CD99: variants seen among roughly 807,000 people sequenced by gnomAD.
CD99 encodes the protein CD99 molecule (Xg blood group), also known as CD99 antigen.
In CD99, 19 loss-of-function variants were observed where a neutral mutation model predicts 28.4. The observed-to-expected ratio is 0.67, with a 90% confidence interval of 0.47 to 0.98. The LOEUF is 0.98. Ranked by LOEUF, CD99 falls within the 50% of genes least tolerant of loss-of-function variation. The pLI, the probability that CD99 is intolerant of heterozygous loss-of-function variation, is 0.00. For missense variants in CD99, 283 were observed against 248.8 expected (o/e 1.14, Z -0.92); for synonymous variants, 103 against 92.1 (o/e 1.12, Z -0.67).
chrX:2,729,155 C>A (rs2049459531), intron 8 of CD99, among the ~76,000 whole-genome samples: 1 of 152,092 alleles, frequency 6.6e-6, no homozygotes, highest in South Asian at 2.1e-4. Context: ...GAATCCCAGA[C>A]AATTGTTGAA....
At chrX:2,724,396 C>T (rs776594048) in intron 7 of CD99, among the ~76,000 whole-genome samples, 1 of 152,264 alleles carries the variant, frequency 6.6e-6, no homozygotes, top group African/African-American at 2.4e-5. Context: ...GACAATTCTC[C>T]TTCCCCGTCG....
At chrX:2,711,306 A>G (rs2048394691) in intron 1 of CD99, among the ~76,000 whole-genome samples, 2 of 148,360 alleles carry the variant, frequency 1.3e-5, no homozygotes, top group South Asian at 4.2e-4. Flanking sequence ...TATAGTATAT[A>G]TAGTATGTAT....
At chrX:2,733,552 C>G in intron 8 of CD99, 1 of 631,962 alleles carries the variant, frequency 1.6e-6, no homozygotes. Context: ...GTTCCATATG[C>G]TTTTGCCTTT....
intron 1 of CD99, chrX:2,691,770 C>T (rs1309307740): frequency 1.3e-6 from 1 of 763,336 alleles, no homozygotes; most frequent in Non-Finnish European, 2.4e-6. Flanking sequence ...CTCACCCCAC[C>T]CCGTTATCTA....
intron 8 of CD99, 65 bp from the exon 9 acceptor site, chrX:2,738,135 T>A: frequency 7.0e-7 from 1 of 1,421,368 alleles, no homozygotes; most frequent in African/African-American, 1.4e-5. Flanking sequence ...GTGTTTTGTG[T>A]GTATTTTGAG....
At chrX:2,696,583 A>G (rs1483518417) in intron 1 of CD99, among the ~76,000 whole-genome samples, 1 of 151,914 alleles carries the variant, frequency 6.6e-6, no homozygotes, top group African/African-American at 2.4e-5. Context: ...GTATTTTTTT[A>G]GTAGAGGTGG....
intron 2 of CD99, 47 bp downstream of exon 2, chrX:2,714,501 A>G (rs773994399): frequency 1.4e-6 from 2 of 1,465,978 alleles, no homozygotes; most frequent in South Asian, 2.3e-5. Flanking sequence ...ATTTTATGTT[A>G]ACATAGTATA....
chrX:2,717,713 G>A (rs1351400058), intron 3 of CD99, 61 bp downstream of exon 3: 2 of 1,488,002 alleles, frequency 1.3e-6, no homozygotes, highest in Admixed American at 1.7e-5. Context: ...TCGGACAGCA[G>A]GACGGGACTT....
At chrX:2,706,416 A>C (rs2048120159) in intron 1 of CD99, among the ~76,000 whole-genome samples, 3 of 152,158 alleles carry the variant, frequency 2.0e-5, no homozygotes, top group Admixed American at 2.0e-4. Flanking sequence ...GCATCAGAGG[A>C]CTCAGCAGCA....
Position 2,723,717 on chromosome X carries a change from G to A in CD99, c.361+353G>A, listed in dbSNP as rs760739755. On this transcript the variant is annotated intron_variant, in intron 7 of 9. Coordinates refer to ENST00000381192, the MANE Select transcript of CD99 (RefSeq NM_002414.5). ...CTTGTGACGCAGTATCCTCGGTTGC[G>A]CTTGGCCCTTGAGAACGTCAGTAAC... 4.2e-3 allele frequency among the ~76,000 whole-genome samples: 646 copies of A among 152,272 alleles called. 5 individuals carry two copies. Among genetic ancestry groups the A allele is most frequent in the African/African-American group, 0.015 (618 of 41,548 alleles).
chrX:2,711,709 G>A (rs2048417030), intron 1 of CD99, among the ~76,000 whole-genome samples: 1 of 152,114 alleles, frequency 6.6e-6, no homozygotes, highest in Non-Finnish European at 1.5e-5. Flanking sequence ...AAAGAAAATA[G>A]GGTATATTCA....
chrX:2,707,938 G>A (rs2048200840), intron 1 of CD99, among the ~76,000 whole-genome samples: 1 of 152,200 alleles, frequency 6.6e-6, no homozygotes, highest in African/African-American at 2.4e-5. Flanking sequence ...CAGGGAATGT[G>A]ATGAATTGGG....
chrX:2,735,968 C>T (rs184011029), intron 8 of CD99, among the ~76,000 whole-genome samples: 2,311 of 151,912 alleles, frequency 0.015, 25 homozygotes, highest in Non-Finnish European at 0.024. Context: ...TTTGGGAGGC[C>T]GAGGTGGGCA....
chrX:2,711,486 T>TGTAGGGAA (rs1219863749), intron 1 of CD99, among the ~76,000 whole-genome samples: 55 of 151,704 alleles, frequency 3.6e-4, no homozygotes, highest in African/African-American at 1.3e-3. Flanking sequence ...GAAATCAGTA[T>TGTAGGGAA]GTCAAAGAGA....
chrX:2,705,532 A>G (rs1352550093), intron 1 of CD99, among the ~76,000 whole-genome samples: 7 of 152,168 alleles, frequency 4.6e-5, no homozygotes, highest in East Asian at 1.9e-4. Flanking sequence ...TGATGTATGT[A>G]TCCATGGTGA....
At chrX:2,714,719 T>G in intron 2 of CD99, 1 of 354,064 alleles carries the variant, frequency 2.8e-6, no homozygotes. Flanking sequence ...AGACAGGAAG[T>G]GGGGCACGTG....
At chrX:2,719,852 C>G (rs2048912129) in intron 4 of CD99, 147 bp downstream of exon 4, 3 of 831,490 alleles carry the variant, frequency 3.6e-6, no homozygotes, top group African/African-American at 3.4e-5. Flanking sequence ...TCGGTTTGTT[C>G]TTGCTGTTGT....
intron 1 of CD99, among the ~76,000 whole-genome samples, chrX:2,703,826 A>T (rs2047994373): frequency 1.3e-5 from 2 of 152,056 alleles, no homozygotes; most frequent in South Asian, 2.1e-4. Context: ...GAGGCCCCTA[A>T]GTCAGTTTCC....
chrX:2,717,732 A>G, intron 3 of CD99, 80 bp downstream of exon 3: 1 of 1,291,038 alleles, frequency 7.7e-7, no homozygotes, highest in Non-Finnish European at 1.1e-6. Context: ...TTAGGCAACT[A>G]GAAAGAAGAC....
Sources: gnomAD v4.1 joint callset for allele counts (sites outside exome capture counted in the v4.1 genomes callset) on GRCh38, gnomAD v4.1.1 for gene constraint, MANE v1.5 for transcripts, NCBI Gene and HGNC (gene_info 2026-07-23, HGNC 2026-07-21) for gene names.